SH3RF1: variants seen among roughly 807,000 people sequenced by gnomAD.
SH3RF1 encodes the protein E3 ubiquitin-protein ligase SH3RF1.
SH3RF1 carries 32 observed loss-of-function variants against 74.0 expected under a neutral mutation model. The observed-to-expected ratio is 0.43, with a 90% CI of 0.33 to 0.58. The LOEUF (loss-of-function observed/expected upper bound fraction) is 0.58. Ranked by LOEUF, SH3RF1 falls within the 20% of genes least tolerant of loss-of-function variation. The pLI, the probability that SH3RF1 is intolerant of heterozygous loss-of-function variation, is 0.05. For synonymous variants in SH3RF1, 396 were observed against 439.6 expected (o/e 0.90, Z 1.24); for missense variants, 954 against 1,130.9 (o/e 0.84, Z 2.24).
intron 2 of SH3RF1, among the ~76,000 whole-genome samples, chr4:169,178,369 T>TA (rs1410242474): frequency 3.1e-3 from 173 of 54,934 alleles, no homozygotes; most frequent in Admixed American, 5.9e-3. Context: ...AAAATAAGCA[T>TA]TGTTATGTTT....
rs1467954266 is a variant in SH3RF1, at chr4:169,150,251, C to A, written c.765+5229G>T. Among the ~76,000 whole-genome samples the A allele has an allele frequency of 4.6e-5, 7 of 152,310 alleles. No individual in the cohort carries two copies. The South Asian group carries it at 8.3e-4, about 18-fold the overall frequency. ...TTATTTTAAAAGTGAGGATCCTTGA[C>A]AATAAGTCTGTCCTACCTCAGCTCA... On this transcript the variant is annotated intron_variant, in intron 4 of 11. Coordinates refer to ENST00000284637, the MANE Select transcript of SH3RF1 (RefSeq NM_020870.4).
chr4:169,169,629 C>CA (rs1180074736), intron 2 of SH3RF1, among the ~76,000 whole-genome samples: 2 of 151,992 alleles, frequency 1.3e-5, no homozygotes, highest in African/African-American at 2.4e-5. Context: ...AATAAAAACT[C>CA]AGACATCCAT....
intron 2 of SH3RF1, among the ~76,000 whole-genome samples, chr4:169,204,335 T>C (rs1238416615): frequency 2.0e-5 from 3 of 152,138 alleles, no homozygotes; most frequent in African/African-American, 4.8e-5. Flanking sequence ...AATCATCCTA[T>C]TCTCTGTCAA....
At position 169,220,656 on chromosome 4, in the gene SH3RF1, GC is replaced by G. The variant is rs577335097; in HGVS notation, c.393+48163del. Reference sequence around the variant, plus strand: ...TGGGCACCCAGCTCCAATGGGATTAGCTTTCACTGTACTGGATTCCTCTGTC... The same window carrying G: ...TGGGCACCCAGCTCCAATGGGATTAGTTTCACTGTACTGGATTCCTCTGTC... On this transcript the variant is annotated intron_variant, in intron 2 of 11. Transcript: ENST00000284637. 7.4e-3 allele frequency among the ~76,000 whole-genome samples: 1,129 copies of G among 152,302 alleles called. 5 individuals are homozygous for G. The highest frequency in any genetic ancestry group is 0.012 in the Non-Finnish European group (830 of 68,034).
intron 2 of SH3RF1, among the ~76,000 whole-genome samples, chr4:169,163,303 T>C (rs2126968823): frequency 6.6e-6 from 1 of 151,966 alleles, no homozygotes; most frequent in African/African-American, 2.4e-5. Flanking sequence ...AGACTCTTCA[T>C]TAAATGTTTT....
Position 169,242,359 on chromosome 4 carries a change from T to C in SH3RF1, c.393+26461A>G, listed in dbSNP as rs112245330. On this transcript the variant is annotated intron_variant, in intron 2 of 11. Transcript: ENST00000284637. ...TTCCTATCAAGCAATGTTTTTAAAA[T>C]GAAATATCGCTTCTAAAATTATCCC... Among the ~76,000 whole-genome samples, 408 of 152,332 alleles carry C rather than the reference T, an allele frequency of 2.7e-3. 1 individual carries two copies. The highest frequency in any genetic ancestry group is 9.3e-3 in the African/African-American group (386 of 41,580).
At chr4:169,170,969 A>T (rs1734318817) in intron 2 of SH3RF1, among the ~76,000 whole-genome samples, 1 of 152,244 alleles carries the variant, frequency 6.6e-6, no homozygotes. Flanking sequence ...AATTGAAGGA[A>T]ATTTTCCTGA....
At chr4:169,136,747 T>C in intron 4 of SH3RF1, 127 bp from the exon 5 acceptor site, 1 of 894,892 alleles carries the variant, frequency 1.1e-6, no homozygotes, top group Non-Finnish European at 1.6e-6. Context: ...CTATGCAGTG[T>C]CTGTTTTTCC....
At chr4:169,186,729 G>A (rs1367372617) in intron 2 of SH3RF1, among the ~76,000 whole-genome samples, 4 of 151,126 alleles carry the variant, frequency 2.6e-5, no homozygotes, top group Admixed American at 6.6e-5. Context: ...ATTAAGATCC[G>A]GGCGTGGTGG....
chr4:169,113,587 G>C (rs1245337526), intron 10 of SH3RF1, among the ~76,000 whole-genome samples: 1 of 152,206 alleles, frequency 6.6e-6, no homozygotes, highest in African/African-American at 2.4e-5. Context: ...TCTGTGGATG[G>C]GAGGATGATG....
chr4:169,108,259 A>C (rs1733180430), intron 10 of SH3RF1, among the ~76,000 whole-genome samples: 1 of 152,226 alleles, frequency 6.6e-6, no homozygotes, highest in Non-Finnish European at 1.5e-5. Flanking sequence ...GCAAATTGGA[A>C]TTATTAAGGC....
chr4:169,124,188 C>T (rs1733487448), intron 6 of SH3RF1, among the ~76,000 whole-genome samples: 1 of 152,152 alleles, frequency 6.6e-6, no homozygotes, highest in Non-Finnish European at 1.5e-5. Context: ...TAAGCTCAAT[C>T]TCAAAACAGT....
chr4:169,241,229 CAAAA>C (rs1317850769), intron 2 of SH3RF1, among the ~76,000 whole-genome samples: 11 of 152,188 alleles, frequency 7.2e-5, no homozygotes, highest in African/African-American at 2.2e-4. Flanking sequence ...GACTCCGTCT[CAAAA>C]TAAATAAATA....
intron 2 of SH3RF1, among the ~76,000 whole-genome samples, chr4:169,234,701 T>C (rs879532151): frequency 1.3e-5 from 2 of 152,222 alleles, no homozygotes; most frequent in Non-Finnish European, 2.9e-5. Flanking sequence ...CAATGATATT[T>C]ACTGCAAGCA....
intron 2 of SH3RF1, among the ~76,000 whole-genome samples, chr4:169,178,697 T>A (rs1016322650): frequency 6.6e-6 from 1 of 152,196 alleles, no homozygotes; most frequent in Non-Finnish European, 1.5e-5. Context: ...CTCTCCTGAA[T>A]GTAAAACCAG....
intron 2 of SH3RF1, among the ~76,000 whole-genome samples, chr4:169,221,600 T>C (rs182780442): frequency 2.9e-3 from 437 of 152,324 alleles, no homozygotes; most frequent in African/African-American, 9.7e-3. Context: ...AAACGTTCTT[T>C]ATGATAGCAC....
Position 169,185,507 on chromosome 4 carries a change from AT to A in SH3RF1, c.394-28829del, listed in dbSNP as rs79796551. 6.6e-5 allele frequency among the ~76,000 whole-genome samples: 10 copies of A among 152,320 alleles called. No homozygotes were observed. The East Asian group carries it at 1.9e-3, about 29-fold the overall frequency. On this transcript the variant is annotated intron_variant, in intron 2 of 11. Transcript: ENST00000284637. The stretch of plus-strand genomic sequence containing the variant: ...CATTATTCTTTTCTTTTAAGGAAGT[AT>A]TTTAGTTGTTGAAAAGGGATAACTA...
At chr4:169,187,188 G>A (rs1018118011) in intron 2 of SH3RF1, among the ~76,000 whole-genome samples, 2 of 152,042 alleles carry the variant, frequency 1.3e-5, no homozygotes, top group Admixed American at 6.6e-5. Flanking sequence ...GTGTACACAC[G>A]TATATATGTA....
chr4:169,148,819 G>C (rs1192077207), intron 4 of SH3RF1, among the ~76,000 whole-genome samples: 1 of 152,142 alleles, frequency 6.6e-6, no homozygotes, highest in South Asian at 2.1e-4. Flanking sequence ...GGACCCTGAA[G>C]GTGAGCTTTC....
Sources: allele counts gnomAD v4.1 joint callset (sites outside exome capture counted in the v4.1 genomes callset), GRCh38; gene constraint gnomAD v4.1.1; transcripts MANE v1.5; gene names NCBI Gene and HGNC (gene_info 2026-07-23, HGNC 2026-07-21).